The following BMAL2 variants were observed in gnomAD, a reference collection of about 807,000 sequenced individuals.
BMAL2 encodes the protein basic helix-loop-helix ARNT like 2.
the BMAL2 span, among the ~76,000 whole-genome samples, chr12:27,334,962 G>A: frequency 1.2e-4 from 19 of 152,320 alleles, no homozygotes; most frequent in South Asian, 4.1e-4. Context: ...CATGGCTGTC[G>A]CCCATACTCC....
the BMAL2 span, among the ~76,000 whole-genome samples, chr12:27,354,320 G>A: frequency 6.6e-6 from 1 of 152,150 alleles, no homozygotes; most frequent in Non-Finnish European, 1.5e-5. Context: ...CACAGGAACA[G>A]AAAACCAAAT....
At chr12:27,362,220 T>C in the BMAL2 span, among the ~76,000 whole-genome samples, 4 of 152,130 alleles carry the variant, frequency 2.6e-5, no homozygotes, top group African/African-American at 9.7e-5. Context: ...CCTGCACTTT[T>C]TCTGTGGAGA....
chr12:27,368,577 C>A, the BMAL2 span, among the ~76,000 whole-genome samples: 2 of 152,190 alleles, frequency 1.3e-5, no homozygotes, highest in African/African-American at 4.8e-5. Context: ...TGACTTGGAA[C>A]TTTTCCATCC....
chr12:27,388,427 G>A, the BMAL2 span, among the ~76,000 whole-genome samples: 2 of 152,112 alleles, frequency 1.3e-5, no homozygotes, highest in East Asian at 3.8e-4. Flanking sequence ...GTTGTCTATA[G>A]GAATGTTTGC....
At chr12:27,374,785 T>A in the BMAL2 span, among the ~76,000 whole-genome samples, 383 of 152,318 alleles carry the variant, frequency 2.5e-3, no homozygotes, top group African/African-American at 8.5e-3. Flanking sequence ...CCACTGGTTA[T>A]AGGACCTTGC....
At chr12:27,401,747 G>T in the BMAL2 span, 1 of 1,143,104 alleles carries the variant, frequency 8.7e-7, no homozygotes, top group Non-Finnish European at 1.2e-6. Context: ...CTCTCATCTT[G>T]CTAAACCATT....
chr12:27,395,417 C>A, the BMAL2 span, among the ~76,000 whole-genome samples: 1 of 152,122 alleles, frequency 6.6e-6, no homozygotes, highest in African/African-American at 2.4e-5. Flanking sequence ...TAATAATCTG[C>A]GGACTTTTAA....
chr12:27,420,687 A>T, the BMAL2 span: 11 of 879,938 alleles, frequency 1.3e-5, no homozygotes, highest in African/African-American at 1.9e-4. Context: ...TGTCACAGGG[A>T]TGTGGGGAAA....
At chr12:27,380,449 TC>T in the BMAL2 span, 6 of 1,600,952 alleles carry the variant, frequency 3.7e-6, no homozygotes, top group Non-Finnish European at 5.1e-6. Flanking sequence ...TGAAATCTGC[TC>T]TGTCACTGAG....
At chr12:27,376,511 A>G in the BMAL2 span, 7 of 735,064 alleles carry the variant, frequency 9.5e-6, no homozygotes, top group African/African-American at 5.4e-5. Flanking sequence ...CTCTCTTGTT[A>G]TGCTCTGAGA....
At chr12:27,345,341 A>T in the BMAL2 span, among the ~76,000 whole-genome samples, 2 of 152,200 alleles carry the variant, frequency 1.3e-5, no homozygotes, top group South Asian at 4.1e-4. Flanking sequence ...AGGATGGGAC[A>T]TGCATGAGAA....
the BMAL2 span, among the ~76,000 whole-genome samples, chr12:27,341,197 G>A: frequency 6.7e-6 from 1 of 149,190 alleles, no homozygotes; most frequent in African/African-American, 2.4e-5. Flanking sequence ...TTTTCAAGGG[G>A]AATGCTGCCA....
At chr12:27,386,774 C>T in the BMAL2 span, among the ~76,000 whole-genome samples, 10 of 152,098 alleles carry the variant, frequency 6.6e-5, no homozygotes, top group African/African-American at 1.2e-4. Flanking sequence ...GGACTAGAGG[C>T]GTGCACCACC....
the BMAL2 span, among the ~76,000 whole-genome samples, chr12:27,413,209 A>G: frequency 1.3e-5 from 2 of 152,246 alleles, no homozygotes; most frequent in African/African-American, 4.8e-5. Flanking sequence ...CTGTAAAGAT[A>G]AGAATATAGT....
At chr12:27,418,256 CTA>C in the BMAL2 span, 1 of 1,150,840 alleles carries the variant, frequency 8.7e-7, no homozygotes, top group African/African-American at 1.6e-5. Context: ...CTCTTAATCA[CTA>C]TGTTTTCAGG....
the BMAL2 span, among the ~76,000 whole-genome samples, chr12:27,384,581 C>T: frequency 1.3e-5 from 2 of 152,276 alleles, no homozygotes; most frequent in South Asian, 4.1e-4. Flanking sequence ...TCCATAGGGG[C>T]ATACATTCCA....
At chr12:27,402,716 G>T in the BMAL2 span, 1 of 1,533,134 alleles carries the variant, frequency 6.5e-7, no homozygotes, top group African/African-American at 1.4e-5. Flanking sequence ...TTATTACTAA[G>T]ACATATTATT....
At chr12:27,351,109 C>T in the BMAL2 span, among the ~76,000 whole-genome samples, 1 of 151,834 alleles carries the variant, frequency 6.6e-6, no homozygotes, top group Non-Finnish European at 1.5e-5. Flanking sequence ...CTGCCTCAGC[C>T]TCCCGAGTAG....
At chr12:27,359,196 G>A in the BMAL2 span, among the ~76,000 whole-genome samples, 180 of 152,234 alleles carry the variant, frequency 1.2e-3, 1 homozygote, top group African/African-American at 4.0e-3. Context: ...TTGAAATAAT[G>A]GTAGAAAGTA....
Sources: allele counts gnomAD v4.1 joint callset (sites outside exome capture counted in the v4.1 genomes callset), GRCh38; gene constraint gnomAD v4.1.1; transcripts MANE v1.5; gene names NCBI Gene and HGNC (gene_info 2026-07-23, HGNC 2026-07-21).